The following TTN variants were observed in gnomAD, a reference collection of about 807,000 sequenced individuals.
TTN encodes connectin.
TTN carries 1,525 observed loss-of-function variants against 3,223.0 expected under a neutral mutation model. The observed-to-expected ratio is 0.47, with a 90% CI of 0.45 to 0.49. The LOEUF is 0.49. TTN is among the 20% of genes least tolerant of loss of function. The pLI is 0.00. For synonymous variants in TTN, 14,094 were observed against 15,161.0 expected, an observed-to-expected ratio of 0.93 and a Z score of 5.17; for missense variants, 40,786 against 43,424.0, an observed-to-expected ratio of 0.94 and a Z score of 5.40.
intron 121 of TTN, among the ~76,000 whole-genome samples, chr2:178,690,642 T>C (rs1371116007): frequency 6.6e-6 from 1 of 152,208 alleles, no homozygotes; most frequent in African/African-American, 2.4e-5. Context: ...CAGCATGCAT[T>C]ATTGGCAATA....
intron 155 of TTN, 144 bp downstream of exon 155, chr2:178,671,827 T>C (rs1231140013): frequency 1.5e-5 from 12 of 793,426 alleles, no homozygotes; most frequent in Non-Finnish European, 2.3e-5. Context: ...TTAAGAGATA[T>C]TAATCTTTGT....
Position 178,603,998 on chromosome 2 carries a change from T to A in TTN, c.54689A>T (p.Glu18230Val). Residue 18230 changes from glutamate to valine, a missense_variant, in exon 282 of 363, where the codon GAA becomes GTA. Physicochemically the swap from Glu to Val is moderately radical, Grantham distance 121. Transcript: ENST00000589042. ...PITKVGLKGV[E>V]FNVPRLLEGV... ...TTCAAGCAAACGAGGAACATTAAAT[T>A]CCACGCCTTTCAATCCCACTTTGGT... 3 of 1,612,886 alleles carry A rather than the reference T, an allele frequency of 1.9e-6. No individual in the cohort carries two copies. Among genetic ancestry groups the A allele is most frequent in the Non-Finnish European group, 2.5e-6 (3 of 1,179,176 alleles).
At chr2:178,710,943 C>A (rs369751123) in intron 97 of TTN, 21 bp from the exon 98 acceptor site, 31 of 1,600,682 alleles carry the variant, frequency 1.9e-5, no homozygotes, top group Non-Finnish European at 2.6e-5. Flanking sequence ...AGCAGAAAGA[C>A]AAGGTTTCAG....
At position 178,569,883 on chromosome 2, in the gene TTN, T is replaced by C. The variant is rs755528335; in HGVS notation, c.76249A>G (p.Ile25417Val). The C allele has an allele frequency of 3.7e-6, 6 of 1,613,356 alleles. No homozygotes were observed. Residue 25417 changes from isoleucine (I) to valine (V), a missense_variant, in exon 326 of 363, where the codon ATA becomes GTA. By Grantham distance (29) the Ile-to-Val change is conservative. Coordinates refer to ENST00000589042, the MANE Select transcript of TTN (RefSeq NM_001267550.2). ...GAAAGGAATACTGAAGATCTGGTTA[T>C]GTCTATGACTTTGGGGTTGTTTGGG... ...GPPNNPKVIDITRSSVFLSWS... is the reference protein window; with the variant it reads ...GPPNNPKVIDVTRSSVFLSWS...
At chr2:178,559,222 A>T in intron 326 of TTN, 89 bp downstream of exon 326, 1 of 1,249,750 alleles carries the variant, frequency 8.0e-7, no homozygotes, top group Non-Finnish European at 1.1e-6. Flanking sequence ...AAAAGCATTT[A>T]AGATGAAATA....
chr2:178,787,936 G>A (rs1359842782), intron 13 of TTN, among the ~76,000 whole-genome samples: 2 of 151,984 alleles, frequency 1.3e-5, no homozygotes, highest in Admixed American at 6.6e-5. Flanking sequence ...CAATTCATAC[G>A]AGTTAAATGC....
chr2:178,558,560 C>T lies in TTN; in HGVS notation c.86899G>A (p.Glu28967Lys). The T allele has an allele frequency of 1.2e-6, 2 of 1,613,816 alleles. No individual in the cohort carries two copies. The highest frequency in any genetic ancestry group is 2.2e-5 in the South Asian group (2 of 91,076). Residue 28967 changes from glutamate (E) to lysine (K), a missense_variant, in exon 327 of 363, where the codon GAA becomes AAA. Physicochemically the swap from Glu to Lys is moderately conservative, Grantham distance 56. Transcript: ENST00000589042. Reference sequence around the variant, plus strand: ...ACAATTCTGCTTCCGCCATCATGTTCAGGCTTCAGCCAGGTCAGGGAAACA... The same window carrying T: ...ACAATTCTGCTTCCGCCATCATGTTTAGGCTTCAGCCAGGTCAGGGAAACA... ...DSVSLTWLKPEHDGGSRIVHY... is the reference protein window; with the variant it reads ...DSVSLTWLKPKHDGGSRIVHY...
Position 178,589,046 on chromosome 2 carries a change from G to T in TTN, c.62679C>A (p.Gly20893=), listed in dbSNP as rs188059075. The T allele has an allele frequency of 1.2e-6, 2 of 1,609,204 alleles. No homozygotes were observed. Among genetic ancestry groups the T allele is most frequent in the Non-Finnish European group, 1.7e-6 (2 of 1,179,570 alleles). The stretch of plus-strand genomic sequence containing the variant: ...CTAGAATATAATTTTGGATTTCACA[G>T]CCACCATCATCTTCTGGTGGATCCC... ...VCWDPPEDDG[G]CEIQNYILEK... Residue 20893 remains glycine (G), a synonymous_variant, in exon 304 of 363, where the codon GGC becomes GGA. Coordinates refer to ENST00000589042, the MANE Select transcript of TTN (RefSeq NM_001267550.2).
chr2:178,696,821 A>G (rs1054718878), intron 113 of TTN, among the ~76,000 whole-genome samples: 1 of 152,090 alleles, frequency 6.6e-6, no homozygotes, highest in African/African-American at 2.4e-5. Flanking sequence ...CATTATTTAT[A>G]TGACTCTTAA....
At position 178,664,105 on chromosome 2, in the gene TTN, A is replaced by G. The variant is rs185722301; in HGVS notation, c.36281-7T>C. ...TCTTTGGGAGCTTCGTGCACTTGAAAGATATTAGTATTTTTACACTCAGAA... is the reference window on the plus strand; with the variant it reads ...TCTTTGGGAGCTTCGTGCACTTGAAGGATATTAGTATTTTTACACTCAGAA... On this transcript the variant is annotated splice_polypyrimidine_tract_variant and splice_region_variant and intron_variant, in intron 168 of 362. Coordinates refer to ENST00000589042, the MANE Select transcript of TTN (RefSeq NM_001267550.2). 9 of 1,604,352 alleles carry G rather than the reference A, an allele frequency of 5.6e-6. No individual in the cohort carries two copies. The East Asian group carries it at 2.0e-4, about 36-fold the overall frequency.
At chr2:178,684,536 A>G in intron 131 of TTN, 123 bp from the exon 132 acceptor site, 1 of 1,344,324 alleles carries the variant, frequency 7.4e-7, no homozygotes, top group East Asian at 2.3e-5. Flanking sequence ...AAACATCACA[A>G]GTAATACTCT....
Position 178,770,942 on chromosome 2 carries a change from T to G in TTN, c.8117-267A>C, listed in dbSNP as rs1301554016. ...TGTATTAGCAGCATAATAGACTGAT[T>G]GGAGAAGGGTGAAAGACGAATGGAG... On this transcript the variant is annotated intron_variant, in intron 34 of 362. Transcript: ENST00000589042. 3.9e-6 allele frequency: 3 copies of G among 766,332 alleles called. No individual in the cohort carries two copies. The Admixed American group carries it at 5.6e-5, about 14-fold the overall frequency. The allele number at this position is 766,332 out of a possible 1,614,324, so 47.5% of individuals were successfully genotyped here.
Position 178,575,472 on chromosome 2 carries a change from G to A in TTN, c.70660C>T (p.Pro23554Ser). The A allele has an allele frequency of 1.2e-6, 2 of 1,613,588 alleles. No homozygotes were observed. Among genetic ancestry groups the A allele is most frequent in the Non-Finnish European group, 1.7e-6 (2 of 1,179,664 alleles). The change falls in exon 326 of 363, where the codon CCT (proline) becomes TCT (serine). Residue 23554 changes from proline (P) to serine (S), a missense_variant. Physicochemically the swap from Pro to Ser is moderately conservative, Grantham distance 74. Transcript: ENST00000589042. This position sits in a 1 kb window ranked among gnomAD's most constrained non-coding sequence, Gnocchi z 4.0. ...CTGCCACCATCGTGTTTGGGCTTAG[G>A]CCATGCCAGGCTGACGGTGCTCTTA... ...ITKSTVSLAW[P>S]KPKHDGGSKI...
At chr2:178,792,018 G>A in intron 10 of TTN, 54 bp downstream of exon 10, 1 of 1,586,576 alleles carries the variant, frequency 6.3e-7, no homozygotes, top group Non-Finnish European at 8.6e-7. Flanking sequence ...CCTGCAGCTG[G>A]CTGTAATGTG....
intron 10 of TTN, among the ~76,000 whole-genome samples, chr2:178,791,394 G>C (rs2093483367): frequency 6.6e-6 from 1 of 152,124 alleles, no homozygotes. Context: ...CGCCCTCTTT[G>C]ACATGGAAGA....
intron 2 of TTN, among the ~76,000 whole-genome samples, 163 bp downstream of exon 2, chr2:178,804,389 A>C (rs1217644968): frequency 1.3e-5 from 2 of 152,144 alleles, no homozygotes; most frequent in African/African-American, 4.8e-5. Flanking sequence ...TTTTGTCAGT[A>C]CTCTGTGAAT....
chr2:178,583,561 A>T, intron 312 of TTN, 46 bp downstream of exon 312: 1 of 1,473,394 alleles, frequency 6.8e-7, no homozygotes, highest in Non-Finnish European at 9.0e-7. Flanking sequence ...AATGACCATC[A>T]TGAATGCTGT....
Position 178,699,383 on chromosome 2 carries a change from C to CTTTTTTTTTTTTTTTT in TTN, c.30683-485_30683-470dup, listed in dbSNP as rs59989386. On this transcript the variant is annotated intron_variant, in intron 111 of 362. Transcript: ENST00000589042. ...TTTGTATTCATGAATAAATAACACT[C>CTTTTTTTTTTTTTTTT]TTTTTTTTTTTTTTTTTTTTTTTTT... 4.5e-5 allele frequency among the ~76,000 whole-genome samples: 2 copies of CTTTTTTTTTTTTTTTT among 44,910 alleles called. 1 individual carries two copies. The highest frequency in any genetic ancestry group is 8.7e-5 in the Non-Finnish European group (2 of 22,890). The allele number at this position is 44,910 out of a possible 152,430, so 29.5% of individuals were successfully genotyped here.
intron 147 of TTN, 41 bp from the exon 148 acceptor site, chr2:178,676,036 G>A (rs2068017434): frequency 6.5e-7 from 1 of 1,540,420 alleles, no homozygotes; most frequent in Non-Finnish European, 8.8e-7. Flanking sequence ...TATTTTGAAG[G>A]ACAAAAAAAG....
Sources: allele counts gnomAD v4.1 joint callset (sites outside exome capture counted in the v4.1 genomes callset), GRCh38; gene constraint gnomAD v4.1.1; non-coding constraint Gnocchi (gnomAD v3.1); transcripts MANE v1.5; gene names NCBI Gene and HGNC (gene_info 2026-07-23, HGNC 2026-07-21).